Variants in XIRP2 observed in about 807,000 individuals in gnomAD.
The protein encoded by XIRP2 is xin actin binding repeat containing 2.
A neutral mutation model predicts 277.0 loss-of-function variants in XIRP2; 236 were observed. The observed-to-expected ratio is 0.85, with a 90% CI of 0.77 to 0.95. The LOEUF (loss-of-function observed/expected upper bound fraction) is 0.95. Ranked by LOEUF, XIRP2 falls within the 40% of genes least tolerant of loss-of-function variation. The probability of loss-of-function intolerance (pLI) is 0.00; values close to 1 mark genes in which losing one functional copy is unlikely to be tolerated. For synonymous variants in XIRP2, 1,490 were observed against 1,416.5 expected, an observed-to-expected ratio of 1.05 and a Z score of -1.17; for missense variants, 4,640 against 4,157.5, an observed-to-expected ratio of 1.12 and a Z score of -3.19.
At chr2:167,025,094 A>T (rs570109580) in intron 2 of XIRP2, among the ~76,000 whole-genome samples, 5,232 of 151,548 alleles carry the variant, frequency 0.035, 111 homozygotes, top group East Asian at 0.082. Flanking sequence ...TGGACTCTTT[A>T]CGGTTGGTAA....
At chr2:166,907,954 T>A (rs1018711598) in intron 2 of XIRP2, among the ~76,000 whole-genome samples, 18 of 152,162 alleles carry the variant, frequency 1.2e-4, no homozygotes, top group Admixed American at 6.5e-5. Flanking sequence ...TCATCCTTTT[T>A]TATGGCTGCA....
chr2:167,202,804 C>T (rs1693760424), intron 3 of XIRP2, among the ~76,000 whole-genome samples: 3 of 152,122 alleles, frequency 2.0e-5, no homozygotes, highest in Admixed American at 6.6e-5. Flanking sequence ...TTCTGGAAGT[C>T]TGAAGTCCAA....
At chr2:167,035,777 C>T (rs1040953843) in intron 2 of XIRP2, among the ~76,000 whole-genome samples, 1 of 152,110 alleles carries the variant, frequency 6.6e-6, no homozygotes, top group Non-Finnish European at 1.5e-5. Flanking sequence ...TGTCTGGGAA[C>T]TTCATGGTGG....
intron 2 of XIRP2, among the ~76,000 whole-genome samples, chr2:167,014,587 A>G (rs1472295585): frequency 2.0e-5 from 3 of 151,780 alleles, no homozygotes; most frequent in African/African-American, 7.3e-5. Context: ...AGCAAAGATG[A>G]AACATAGAGC....
At chr2:167,053,060 G>C (rs1047721596) in intron 2 of XIRP2, among the ~76,000 whole-genome samples, 8 of 152,194 alleles carry the variant, frequency 5.3e-5, no homozygotes, top group African/African-American at 1.9e-4. Context: ...GGCTGCTCAT[G>C]ATGTTTCTAC....
At chr2:167,075,517 T>A (rs906988067) in intron 2 of XIRP2, among the ~76,000 whole-genome samples, 1 of 152,242 alleles carries the variant, frequency 6.6e-6, no homozygotes, top group Non-Finnish European at 1.5e-5. Flanking sequence ...GCCAATTTTA[T>A]TAGATTGCTA....
intron 2 of XIRP2, among the ~76,000 whole-genome samples, chr2:167,109,332 G>A (rs1201086632): frequency 6.6e-6 from 1 of 152,060 alleles, no homozygotes; most frequent in Non-Finnish European, 1.5e-5. Flanking sequence ...CCAAGCTGGA[G>A]TGCAGTGATA....
At chr2:167,125,228 CTT>C (rs1691168074) in intron 2 of XIRP2, among the ~76,000 whole-genome samples, 1 of 152,110 alleles carries the variant, frequency 6.6e-6, no homozygotes, top group African/African-American at 2.4e-5. Context: ...TGTCATGAGA[CTT>C]TTAAGAGTCA....
intron 2 of XIRP2, among the ~76,000 whole-genome samples, chr2:166,976,343 T>C (rs931832866): frequency 6.6e-6 from 1 of 152,222 alleles, no homozygotes; most frequent in Non-Finnish European, 1.5e-5. Flanking sequence ...TCTCCCATTC[T>C]GTGTTATCAG....
chr2:167,235,165 C>G (rs372110910), intron 5 of XIRP2, among the ~76,000 whole-genome samples: 1 of 151,700 alleles, frequency 6.6e-6, no homozygotes, highest in African/African-American at 2.4e-5. Flanking sequence ...TTATTGCTTT[C>G]TTGGTACAGA....
At chr2:167,074,895 G>T (rs1373697777) in intron 2 of XIRP2, among the ~76,000 whole-genome samples, 1 of 152,152 alleles carries the variant, frequency 6.6e-6, no homozygotes, top group African/African-American at 2.4e-5. Flanking sequence ...AAAGTGCTGA[G>T]ATTACAGGTG....
At chr2:167,010,843 G>T (rs376379836) in intron 2 of XIRP2, among the ~76,000 whole-genome samples, 1 of 151,908 alleles carries the variant, frequency 6.6e-6, no homozygotes, top group Non-Finnish European at 1.5e-5. Flanking sequence ...TTGTGAATGG[G>T]AGTTCACTCA....
At chr2:167,058,870 A>G (rs981093311) in intron 2 of XIRP2, among the ~76,000 whole-genome samples, 9 of 152,154 alleles carry the variant, frequency 5.9e-5, no homozygotes, top group African/African-American at 2.2e-4. Flanking sequence ...TGTTAGTTCT[A>G]ATAGGAAGAA....
chr2:167,148,388 G>GACAAGAAAGAAAGA (rs1691917154), intron 3 of XIRP2, among the ~76,000 whole-genome samples: 1 of 111,500 alleles, frequency 9.0e-6, no homozygotes, highest in African/African-American at 3.6e-5. Context: ...AAAGAAAGAA[G>GACAAGAAAGAAAGA]AAAAGAAAGA....
chr2:167,152,640 A>G (rs1439972547), intron 3 of XIRP2, among the ~76,000 whole-genome samples: 1 of 152,098 alleles, frequency 6.6e-6, no homozygotes, highest in African/African-American at 2.4e-5. Context: ...TTTACCCAAT[A>G]TAACCCAGAC....
In XIRP2 at chr2:166,972,602, T is replaced by C. The variant is rs183639478; in HGVS notation, c.408+68712T>C. On this transcript the variant is annotated intron_variant, in intron 2 of 10. Coordinates refer to ENST00000409195, the MANE Select transcript of XIRP2 (RefSeq NM_152381.6). ...TCTGCAAACTCCAGCCATAAAGTTT[T>C]ATTAAGAACAAACACAGATAGTAGT... Among the ~76,000 whole-genome samples, 95 of 152,284 alleles carry C rather than the reference T, an allele frequency of 6.2e-4. 1 individual carries two copies. Among genetic ancestry groups the C allele is most frequent in the Non-Finnish European group, 3.5e-4 (24 of 68,020 alleles).
At chr2:166,917,351 G>A (rs932426125) in intron 2 of XIRP2, among the ~76,000 whole-genome samples, 6 of 152,138 alleles carry the variant, frequency 3.9e-5, no homozygotes, top group African/African-American at 9.7e-5. Flanking sequence ...AGAATACCGC[G>A]AGGATGGGCC....
intron 2 of XIRP2, among the ~76,000 whole-genome samples, chr2:167,021,114 G>C (rs546160452): frequency 6.6e-6 from 1 of 151,910 alleles, no homozygotes; most frequent in East Asian, 1.9e-4. Flanking sequence ...GCTCTAATTC[G>C]TATGCTTCTA....
chr2:166,968,730 A>G (rs1265600715), intron 2 of XIRP2, among the ~76,000 whole-genome samples: 1 of 151,952 alleles, frequency 6.6e-6, no homozygotes, highest in African/African-American at 2.4e-5. Context: ...TTAACCTTTA[A>G]AGGTAAAAAA....
Sources: gnomAD v4.1 joint callset for allele counts (sites outside exome capture counted in the v4.1 genomes callset) on GRCh38, gnomAD v4.1.1 for gene constraint, MANE v1.5 for transcripts, NCBI Gene and HGNC (gene_info 2026-07-23, HGNC 2026-07-21) for gene names.